Variants in STX1B observed in about 807,000 individuals in gnomAD.
The protein encoded by STX1B is syntaxin-1B.
Under a neutral mutation model 39.4 loss-of-function variants are expected in STX1B, and 7 were observed. That is an observed-to-expected ratio of 0.18 (90% CI 0.10 to 0.33). The LOEUF (loss-of-function observed/expected upper bound fraction) is 0.33, where lower values mean the gene tolerates loss of function less well. Among genes scored for constraint, STX1B ranks in the 10% least tolerant of loss-of-function variants. STX1B has a pLI of 1.00. For synonymous variants in STX1B, 136 were observed against 144.1 expected (o/e 0.94, Z 0.40); for missense variants, 198 against 383.2 (o/e 0.52, Z 4.04).
At chr16:30,994,582 C>G (rs1326644168) in intron 7 of STX1B, among the ~76,000 whole-genome samples, 1 of 147,914 alleles carries the variant, frequency 6.8e-6, no homozygotes, top group Admixed American at 6.8e-5. Flanking sequence ...AGAGTGAGAC[C>G]ATGCTGAAAA....
intron 4 of STX1B, among the ~76,000 whole-genome samples, chr16:30,999,014 T>C (rs1028710457): frequency 1.8e-4 from 28 of 152,188 alleles, no homozygotes; most frequent in African/African-American, 6.0e-4. Flanking sequence ...TGGGATTCTT[T>C]GTATGACTTT....
At position 30,991,219 on chromosome 16, in the gene STX1B, A is replaced by G. The variant is rs1355885769; in HGVS notation, c.*1602T>C. On this transcript the variant is annotated 3_prime_UTR_variant, in exon 10 of 10. Coordinates refer to ENST00000215095, the MANE Select transcript of STX1B (RefSeq NM_052874.5). ...CCAGCGTGCATGGTTTGTGCCTGGTATGGCCCCTGCCTGGGGCCACCTCGG... is the reference window on the plus strand; with the variant it reads ...CCAGCGTGCATGGTTTGTGCCTGGTGTGGCCCCTGCCTGGGGCCACCTCGG... 1 of 152,708 alleles carries G rather than the reference A, an allele frequency of 6.5e-6. No individual in the cohort carries two copies. The highest frequency in any genetic ancestry group is 1.5e-5 in the Non-Finnish European group (1 of 68,098). 9.5% of individuals were successfully genotyped at this position (152,708 alleles called of 1,614,324 possible). A position where few individuals can be genotyped will look rare whatever the true frequency, so the allele number is the denominator to read the frequency against.
intron 9 of STX1B, 73 bp downstream of exon 9, chr16:30,993,057 T>C: frequency 6.8e-7 from 1 of 1,477,486 alleles, no homozygotes; most frequent in Non-Finnish European, 9.5e-7. Context: ...TCCCGCCCGC[T>C]GCCATCACTC....
intron 6 of STX1B, 78 bp downstream of exon 6, chr16:30,996,873 C>A (rs933074514): frequency 6.4e-7 from 1 of 1,571,298 alleles, no homozygotes; most frequent in Non-Finnish European, 8.7e-7. Flanking sequence ...CAGGGGCCCC[C>A]TCCAGAGAGG....
In STX1B at chr16:30,992,677, C is replaced by T. The variant is rs2056567401; in HGVS notation, c.*144G>A. The T allele has an allele frequency of 4.4e-6, 2 of 449,904 alleles. No individual in the cohort carries two copies. Among genetic ancestry groups the T allele is most frequent in the African/African-American group, 5.4e-5 (1 of 18,504 alleles). 27.9% of individuals were successfully genotyped at this position (449,904 alleles called of 1,614,324 possible). The stretch of plus-strand genomic sequence containing the variant: ...TCCATGGCCCGGTGAGGTCCAGGGA[C>T]ACCAGGGTCTGCCGTGGGGGTGGGG... On this transcript the variant is annotated 3_prime_UTR_variant, in exon 10 of 10. Coordinates refer to ENST00000215095, the MANE Select transcript of STX1B (RefSeq NM_052874.5).
In STX1B at chr16:31,001,405, AGGGGCTGGGGCTGGGTGCT is replaced by A. The variant is rs2056628260; in HGVS notation, c.105+105_105+123del. ...GGGGCTGCGGCTGGGCGGTGGGACTAGGGGCTGGGGCTGGGTGCTGGGGCTGGGGCTGGGTGCCGGGGCT... is the reference window on the plus strand; with the variant it reads ...GGGGCTGCGGCTGGGCGGTGGGACTAGGGGCTGGGGCTGGGTGCCGGGGCT... On this transcript the variant is annotated intron_variant, in intron 2 of 9. Transcript: ENST00000215095. This position sits in a 1 kb window ranked among gnomAD's most constrained non-coding sequence, Gnocchi z 5.5. 6 of 622,788 alleles carry A rather than the reference AGGGGCTGGGGCTGGGTGCT, an allele frequency of 9.6e-6. No individual in the cohort carries two copies. The highest frequency in any genetic ancestry group is 6.4e-5 in the South Asian group (3 of 46,976). 38.6% of individuals were successfully genotyped at this position (622,788 alleles called of 1,614,324 possible).
rs1195270713 is a variant in STX1B, at chr16:31,001,918, G to A, written c.31-315C>T. Among the ~76,000 whole-genome samples, 1 of 152,122 alleles carries A rather than the reference G, an allele frequency of 6.6e-6. No individual in the cohort carries two copies. The highest frequency in any genetic ancestry group is 6.5e-5 in the Admixed American group (1 of 15,278). ...TATTTCAACAACGGCTCAACGTCAG[G>A]CTTGCAGTAACTGACCCTGGGCTCC... On this transcript the variant is annotated intron_variant, in intron 1 of 9. Coordinates refer to ENST00000215095, the MANE Select transcript of STX1B (RefSeq NM_052874.5). This position sits in a 1 kb window ranked among gnomAD's most constrained non-coding sequence, Gnocchi z 5.5.
In STX1B at chr16:31,010,351, C is replaced by G; in HGVS notation, c.30+16G>C. Reference sequence around the variant, plus strand: ...TTGGGGTCCCGCCCCCCCATTCTCCCCACCCCCAAGCTCACACTCCGCAGC... The same window carrying G: ...TTGGGGTCCCGCCCCCCCATTCTCCGCACCCCCAAGCTCACACTCCGCAGC... On this transcript the variant is annotated intron_variant, in intron 1 of 9. Transcript: ENST00000215095. The G allele has an allele frequency of 6.8e-7, 1 of 1,468,470 alleles. No individual in the cohort carries two copies. The highest frequency in any genetic ancestry group is 1.4e-5 in the African/African-American group (1 of 70,882). 91.0% of individuals were successfully genotyped at this position (1,468,470 alleles called of 1,614,324 possible).
chr16:31,009,793 T>C (rs985517698), intron 1 of STX1B, among the ~76,000 whole-genome samples: 1 of 151,838 alleles, frequency 6.6e-6, no homozygotes, highest in Non-Finnish European at 1.5e-5. Flanking sequence ...TCTCAGGCCC[T>C]GGCCCTCTGG....
At chr16:30,994,790 CA>C (rs2056582964) in intron 7 of STX1B, among the ~76,000 whole-genome samples, 1 of 151,922 alleles carries the variant, frequency 6.6e-6, no homozygotes, top group South Asian at 2.1e-4. Context: ...CTTCAGCAGT[CA>C]AGGCCCAGAC....
At chr16:30,998,875 C>G (rs891810561) in intron 4 of STX1B, among the ~76,000 whole-genome samples, 3 of 152,172 alleles carry the variant, frequency 2.0e-5, no homozygotes, top group African/African-American at 7.2e-5. Flanking sequence ...GGATTTTAAA[C>G]TGCCAGCAGG....
In STX1B at chr16:30,991,288, G is replaced by A. The variant is rs1286624128; in HGVS notation, c.*1533C>T. ...CACTGAGGGGTACCAGCTTCCAGGG[G>A]CTCGGGGCTATGCTGGGCAGAGACA... On this transcript the variant is annotated 3_prime_UTR_variant, in exon 10 of 10. Transcript: ENST00000215095. The A allele has an allele frequency of 1.3e-5, 2 of 152,854 alleles. No homozygotes were observed. Among genetic ancestry groups the A allele is most frequent in the Admixed American group, 1.3e-4 (2 of 15,290 alleles). 9.5% of individuals were successfully genotyped at this position (152,854 alleles called of 1,614,324 possible). A position where few individuals can be genotyped will look rare whatever the true frequency, so the allele number is the denominator to read the frequency against.
intron 7 of STX1B, 105 bp from the exon 8 acceptor site, chr16:30,993,589 C>A: frequency 7.4e-7 from 1 of 1,359,978 alleles, no homozygotes; most frequent in South Asian, 1.2e-5. Context: ...CTAGCTGAAA[C>A]CTTAGGCACA....
chr16:30,998,153 T>C (rs1310632240), intron 4 of STX1B, among the ~76,000 whole-genome samples: 1 of 152,232 alleles, frequency 6.6e-6, no homozygotes, highest in Non-Finnish European at 1.5e-5. Flanking sequence ...AATTCCCACT[T>C]CTGAAGGACG....
At position 30,996,979 on chromosome 16, in the gene STX1B, C is replaced by T. The variant is rs1596716858; in HGVS notation, c.435G>A (p.Lys145=). The T allele has an allele frequency of 4.3e-6, 7 of 1,613,644 alleles. No homozygotes were observed. Among genetic ancestry groups the T allele is most frequent in the Non-Finnish European group, 1.7e-6 (2 of 1,179,940 alleles). The part of the protein sequence containing the change: ...ATQSKYRDRC[K]DRIQRQLEIT... ...TCTCCAGTTGCCGCTGGATCCGGTCCTTGCAGCGGTCCCGGTACTTGGACT... is the reference window on the plus strand; with the variant it reads ...TCTCCAGTTGCCGCTGGATCCGGTCTTTGCAGCGGTCCCGGTACTTGGACT... Residue 145 remains lysine (K), a synonymous_variant, in exon 6 of 10, where the codon AAG becomes AAA. Coordinates refer to ENST00000215095, the MANE Select transcript of STX1B (RefSeq NM_052874.5).
intron 7 of STX1B, 53 bp downstream of exon 7, chr16:30,996,630 G>T (rs2056593610): frequency 2.6e-6 from 4 of 1,552,196 alleles, no homozygotes; most frequent in Non-Finnish European, 3.5e-6. Context: ...CTGAACTTAG[G>T]GAGGGGAGGC....
At chr16:30,997,179 G>C (rs764128986) in intron 5 of STX1B, 120 bp from the exon 6 acceptor site, 1 of 710,882 alleles carries the variant, frequency 1.4e-6, no homozygotes, top group Non-Finnish European at 2.5e-6. Context: ...AGGAGGAAGC[G>C]CTGAATTAGT....
chr16:30,993,719 G>A (rs906979251), intron 7 of STX1B, among the ~76,000 whole-genome samples: 5 of 152,178 alleles, frequency 3.3e-5, no homozygotes, highest in Admixed American at 6.5e-5. Flanking sequence ...GGTCAGGCAC[G>A]ATGGCTCACA....
At chr16:30,994,077 G>A (rs977706568) in intron 7 of STX1B, among the ~76,000 whole-genome samples, 3 of 151,302 alleles carry the variant, frequency 2.0e-5, no homozygotes, top group African/African-American at 7.3e-5. Context: ...CAGATCACGA[G>A]GTCAGCAGAC....
Sources: allele counts gnomAD v4.1 joint callset (sites outside exome capture counted in the v4.1 genomes callset), GRCh38; gene constraint gnomAD v4.1.1; non-coding constraint Gnocchi (gnomAD v3.1); transcripts MANE v1.5; gene names NCBI Gene and HGNC (gene_info 2026-07-23, HGNC 2026-07-21).